POP7: variants seen among roughly 807,000 people sequenced by gnomAD.
POP7 encodes the protein ribonuclease P protein subunit p20.
Under a neutral mutation model 7.5 loss-of-function variants are expected in POP7, and 5 were observed. The ratio of observed to expected loss-of-function variants is 0.66; its 90% CI spans 0.35 to 1.40. The LOEUF is 1.40. Ranked by LOEUF, POP7 falls within the 40% of genes most tolerant of loss-of-function variation. The pLI is 0.04. For missense variants in POP7, 170 were observed against 189.1 expected (o/e 0.90, Z 0.59); for synonymous variants, 85 against 81.6 (o/e 1.04, Z -0.23).
chr7:100,707,030 C>T lies in POP7; in HGVS notation c.200C>T (p.Ser67Phe). 1 of 1,614,172 alleles carries T rather than the reference C, an allele frequency of 6.2e-7. No homozygotes were observed. The highest frequency in any genetic ancestry group is 8.5e-7 in the Non-Finnish European group (1 of 1,180,054). ...GGGGCCCGGGGTCAGAACGCGTGCT[C>T]TGAGATCTACATTCACGGCTTGGGC... ...DGGARGQNAC[S>F]EIYIHGLGLA... The change falls in exon 2 of 2, where the codon TCT becomes TTT. Residue 67 changes from serine to phenylalanine, a missense_variant. By Grantham distance (155) the Ser-to-Phe change is radical. Transcript: ENST00000303151.
chr7:100,706,632 C>T (rs1753577061), intron 1 of POP7, among the ~76,000 whole-genome samples, 189 bp from the exon 2 acceptor site: 1 of 152,080 alleles, frequency 6.6e-6, no homozygotes, highest in Admixed American at 6.6e-5. Flanking sequence ...AAGACAGGGT[C>T]TTGCTATGTT....
chr7:100,706,534 G>C (rs1806520237), intron 1 of POP7: 2 of 426,060 alleles, frequency 4.7e-6, no homozygotes. Flanking sequence ...GTGCAGTGGC[G>C]GGCGCGATCA....
chr7:100,707,391 AT>A lies in POP7; in HGVS notation c.*140del. On this transcript the variant is annotated 3_prime_UTR_variant, in exon 2 of 2. Coordinates refer to ENST00000303151, the MANE Select transcript of POP7 (RefSeq NM_005837.3). ...GGACTCTGCATTGAGGGTGGGGGTA[AT>A]TGTCTCTTGGTGGGCCCAGTTAGTG... is the stretch of plus-strand genomic sequence containing the variant. 1 of 1,057,348 alleles carries A rather than the reference AT, an allele frequency of 9.5e-7. No individual in the cohort carries two copies. Among genetic ancestry groups the A allele is most frequent in the Non-Finnish European group, 1.4e-6 (1 of 738,494 alleles). 65.5% of individuals were successfully genotyped at this position (1,057,348 alleles called of 1,614,324 possible).
chr7:100,707,130 CA>C lies in POP7; in HGVS notation c.302del (p.Asn101IlefsTer21). 1 of 1,614,192 alleles carries C rather than the reference CA, an allele frequency of 6.2e-7. No homozygotes were observed. The highest frequency in any genetic ancestry group is 1.1e-5 in the South Asian group (1 of 91,080). On this transcript the variant is annotated frameshift_variant, in exon 2 of 2. Coordinates refer to ENST00000303151, the MANE Select transcript of POP7 (RefSeq NM_005837.3). LOFTEE classifies it high-confidence loss of function. ...GSFGSLQVAA[N>X]TSTVELVDEL... is the part of the protein sequence containing the mutation. ...GCTTCGGGTCCTTGCAGGTGGCTGC[CA>C]ATACCTCCACCGTGGAGCTTGTTGA...
At position 100,707,279 on chromosome 7, in the gene POP7, C is replaced by T. The variant is rs1344327542; in HGVS notation, c.*26C>T. 3 of 1,600,378 alleles carry T rather than the reference C, an allele frequency of 1.9e-6. No homozygotes were observed. The highest frequency in any genetic ancestry group is 8.5e-7 in the Non-Finnish European group (1 of 1,170,892). ...TTGAAAAGACACTCCTCCACTTATC[C>T]CCTCCGTGATATGGCTCTTCGCATG... On this transcript the variant is annotated 3_prime_UTR_variant, in exon 2 of 2. Coordinates refer to ENST00000303151, the MANE Select transcript of POP7 (RefSeq NM_005837.3).
In POP7 at chr7:100,707,023, G is replaced by T; in HGVS notation, c.193G>T (p.Ala65Ser). 6.2e-7 allele frequency: 1 copy of T among 1,614,150 alleles called. No individual in the cohort carries two copies. Among genetic ancestry groups the T allele is most frequent in the Admixed American group, 1.7e-5 (1 of 60,026 alleles). Reference protein sequence around the residue: ...LLDGGARGQNACSEIYIHGLG... With the variant: ...LLDGGARGQNSCSEIYIHGLG... ...GGACGGAGGGGCCCGGGGTCAGAAC[G>T]CGTGCTCTGAGATCTACATTCACGG... Residue 65 changes from alanine (A) to serine (S), a missense_variant, in exon 2 of 2, where the codon GCG becomes TCG. Coordinates refer to ENST00000303151, the MANE Select transcript of POP7 (RefSeq NM_005837.3).
At position 100,707,172 on chromosome 7, in the gene POP7, G is replaced by C. The variant is rs1280640535; in HGVS notation, c.342G>C (p.Glu114Asp). 3 of 1,614,102 alleles carry C rather than the reference G, an allele frequency of 1.9e-6. No individual in the cohort carries two copies. The African/African-American group carries it at 4.0e-5, about 22-fold the overall frequency. Residue 114 changes from glutamate (E) to aspartate (D), a missense_variant, in exon 2 of 2, where the codon GAG becomes GAC. Transcript: ENST00000303151. ...TVELVDELEP[E>D]TDTREPLTRI... ...AGCTTGTTGATGAGCTGGAGCCAGA[G>C]ACCGACACACGGGAGCCACTGACTC...
In POP7 at chr7:100,707,097, G is replaced by C; in HGVS notation, c.267G>C (p.Gln89His). 1 of 1,614,122 alleles carries C rather than the reference G, an allele frequency of 6.2e-7. No individual in the cohort carries two copies. Among genetic ancestry groups the C allele is most frequent in the Non-Finnish European group, 8.5e-7 (1 of 1,180,046 alleles). Residue 89 changes from glutamine (Q) to histidine (H), a missense_variant, in exon 2 of 2, where the codon CAG becomes CAC. Transcript: ENST00000303151. Reference sequence around the variant, plus strand: ...CCATCAACATCGCGCTGCAGCTGCAGGCGGGCAGCTTCGGGTCCTTGCAGG... The same window carrying C: ...CCATCAACATCGCGCTGCAGCTGCACGCGGGCAGCTTCGGGTCCTTGCAGG... Reference protein sequence around the residue: ...NRAINIALQLQAGSFGSLQVA... With the variant: ...NRAINIALQLHAGSFGSLQVA...
In POP7 at chr7:100,707,302, A is replaced by G. The variant is rs753248366; in HGVS notation, c.*49A>G. 5 of 1,567,106 alleles carry G rather than the reference A, an allele frequency of 3.2e-6. No homozygotes were observed. The highest frequency in any genetic ancestry group is 4.3e-6 in the Non-Finnish European group (5 of 1,152,396). The stretch of plus-strand genomic sequence containing the variant: ...TCCCCTCCGTGATATGGCTCTTCGC[A>G]TGCTGAGTACTGGACCTCGGACCAG... On this transcript the variant is annotated 3_prime_UTR_variant, in exon 2 of 2. Coordinates refer to ENST00000303151, the MANE Select transcript of POP7 (RefSeq NM_005837.3).
chr7:100,706,795 C>T (rs763872783), intron 1 of POP7, 26 bp from the exon 2 acceptor site: 20 of 1,600,600 alleles, frequency 1.2e-5, no homozygotes, highest in Non-Finnish European at 1.6e-5. Context: ...TCTGAGCCCT[C>T]TGATCGCGTC....
chr7:100,707,142 C>A lies in POP7; in HGVS notation c.312C>A (p.Thr104=). ...GSLQVAANTS[T]VELVDELEPE... is the part of the protein sequence containing the mutation. ...TGCAGGTGGCTGCCAATACCTCCAC[C>A]GTGGAGCTTGTTGATGAGCTGGAGC... Residue 104 remains threonine (T), a synonymous_variant, in exon 2 of 2, where the codon ACC becomes ACA. Coordinates refer to ENST00000303151, the MANE Select transcript of POP7 (RefSeq NM_005837.3). 2 of 1,614,194 alleles carry A rather than the reference C, an allele frequency of 1.2e-6. No homozygotes were observed. The highest frequency in any genetic ancestry group is 8.5e-7 in the Non-Finnish European group (1 of 1,180,032).
intron 1 of POP7, 147 bp from the exon 2 acceptor site, chr7:100,706,674 G>A (rs1806523804): frequency 2.5e-6 from 2 of 802,422 alleles, no homozygotes; most frequent in South Asian, 1.7e-5. Context: ...CCGGGCTCCA[G>A]TGATCCTCCC....
At position 100,706,861 on chromosome 7, in the gene POP7, G is replaced by A; in HGVS notation, c.31G>A (p.Val11Met). ...AGAAAACCGAGAGCCCCGCGGTGCT[G>A]TGGAGGCTGAACTGGATCCAGTGGA... MAENREPRGA[V>M]EAELDPVEYT... Residue 11 changes from valine to methionine, a missense_variant, in exon 2 of 2, where the codon GTG becomes ATG. Val to Met is a conservative substitution (Grantham distance 21). Transcript: ENST00000303151. 6.2e-7 allele frequency: 1 copy of A among 1,613,916 alleles called. No homozygotes were observed. Among genetic ancestry groups the A allele is most frequent in the Non-Finnish European group, 8.5e-7 (1 of 1,180,000 alleles).
intron 1 of POP7, among the ~76,000 whole-genome samples, chr7:100,706,588 C>T (rs1806521633): frequency 6.6e-6 from 1 of 152,012 alleles, no homozygotes; most frequent in Admixed American, 6.6e-5. Flanking sequence ...GCGATCCTCC[C>T]CCCTCGGCCC....
Position 100,707,013 on chromosome 7 carries a change from G to A in POP7, c.183G>A (p.Arg61=), listed in dbSNP as rs766475999. The A allele has an allele frequency of 2.5e-6, 4 of 1,613,840 alleles. No homozygotes were observed. In the African/African-American group the frequency reaches 5.3e-5, roughly 22 times the overall value. ...RCQKLLDGGA[R]GQNACSEIYI... ...AGAAGCTGCTGGACGGAGGGGCCCG[G>A]GGTCAGAACGCGTGCTCTGAGATCT... The change falls in exon 2 of 2, where the codon CGG becomes CGA. Residue 61 remains arginine (R), a synonymous_variant. Coordinates refer to ENST00000303151, the MANE Select transcript of POP7 (RefSeq NM_005837.3).
rs781744076 is a variant in POP7, at chr7:100,707,222, A to G, written c.392A>G (p.His131Arg). 6.2e-7 allele frequency: 1 copy of G among 1,614,058 alleles called. No homozygotes were observed. Among genetic ancestry groups the G allele is most frequent in the Admixed American group, 1.7e-5 (1 of 60,022 alleles). Reference protein sequence around the residue: ...LTRIRNNSAIHIRVFRVTPK With the variant: ...LTRIRNNSAIRIRVFRVTPK ...CGGATCCGCAACAACTCAGCCATCC[A>G]CATCCGAGTCTTCAGGGTCACACCC... The change falls in exon 2 of 2, where the codon CAC becomes CGC. Residue 131 changes from histidine to arginine, a missense_variant. His to Arg is a conservative substitution (Grantham distance 29). Transcript: ENST00000303151.
intron 1 of POP7, 65 bp from the exon 2 acceptor site, chr7:100,706,756 A>G: frequency 6.6e-7 from 1 of 1,507,984 alleles, no homozygotes; most frequent in Non-Finnish European, 9.0e-7. Flanking sequence ...TTTGTACAGG[A>G]AAAGGGGTAG....
rs1477822512 is a variant in POP7, at chr7:100,707,025, G to A, written c.195G>A (p.Ala65=). 3.1e-6 allele frequency: 5 copies of A among 1,614,152 alleles called. No individual in the cohort carries two copies. Among genetic ancestry groups the A allele is most frequent in the Non-Finnish European group, 4.2e-6 (5 of 1,180,042 alleles). ...ACGGAGGGGCCCGGGGTCAGAACGC[G>A]TGCTCTGAGATCTACATTCACGGCT... ...LLDGGARGQN[A]CSEIYIHGLG... is the part of the protein sequence containing the mutation. Residue 65 remains alanine (A), a synonymous_variant, in exon 2 of 2, where the codon GCG becomes GCA. Coordinates refer to ENST00000303151, the MANE Select transcript of POP7 (RefSeq NM_005837.3).
rs1331213501 is a variant in POP7, at chr7:100,706,975, C to A, written c.145C>A (p.Leu49Met). Residue 49 changes from leucine to methionine, a missense_variant, in exon 2 of 2, where the codon CTG becomes ATG. Coordinates refer to ENST00000303151, the MANE Select transcript of POP7 (RefSeq NM_005837.3). ...VNMKTDFKAQ[L>M]ARCQKLLDGG... Reference sequence around the variant, plus strand: ...CATGAAGACGGACTTTAAGGCCCAGCTGGCCCGCTGCCAGAAGCTGCTGGA... The same window carrying A: ...CATGAAGACGGACTTTAAGGCCCAGATGGCCCGCTGCCAGAAGCTGCTGGA... 2 of 1,614,138 alleles carry A rather than the reference C, an allele frequency of 1.2e-6. No homozygotes were observed. Among genetic ancestry groups the A allele is most frequent in the Non-Finnish European group, 8.5e-7 (1 of 1,180,052 alleles).
Sources: allele counts gnomAD v4.1 joint callset (sites outside exome capture counted in the v4.1 genomes callset), GRCh38; gene constraint gnomAD v4.1.1; transcripts MANE v1.5; gene names NCBI Gene and HGNC (gene_info 2026-07-23, HGNC 2026-07-21).